The following DOCK2 variants were observed in gnomAD, a reference collection of about 807,000 sequenced individuals.
DOCK2 encodes the protein dedicator of cytokinesis protein 2.
DOCK2 carries 87 observed loss-of-function variants against 248.9 expected under a neutral mutation model. The observed-to-expected ratio is 0.35, with a 90% CI of 0.29 to 0.42. The LOEUF is 0.42. DOCK2 is among the 10% of genes least tolerant of loss of function. The pLI, the probability that DOCK2 is intolerant of heterozygous loss-of-function variation, is 1.00. For missense variants in DOCK2, 1,747 were observed against 2,300.2 expected, an observed-to-expected ratio of 0.76 and a Z score of 4.92; for synonymous variants, 805 against 821.6, an observed-to-expected ratio of 0.98 and a Z score of 0.35.
intron 36 of DOCK2, 92 bp downstream of exon 36, chr5:170,036,647 T>C (rs1378583690): frequency 7.8e-7 from 1 of 1,279,864 alleles, no homozygotes; most frequent in Middle Eastern, 1.9e-4. Flanking sequence ...AGGATAAAAT[T>C]TAAACTTCTC....
chr5:169,936,510 A>C (rs1028186812), intron 27 of DOCK2, among the ~76,000 whole-genome samples: 1 of 151,536 alleles, frequency 6.6e-6, no homozygotes, highest in African/African-American at 2.4e-5. Context: ...ATGAATAAAC[A>C]CATCTATTCT....
intron 1 of DOCK2, among the ~76,000 whole-genome samples, chr5:169,642,038 C>T (rs540295165): frequency 1.3e-5 from 2 of 152,326 alleles, no homozygotes; most frequent in Non-Finnish European, 2.9e-5. Flanking sequence ...GCTTGCTACT[C>T]CTCTAGCAGG....
intron 17 of DOCK2, among the ~76,000 whole-genome samples, chr5:169,712,791 T>A (rs1761657126): frequency 2.0e-5 from 3 of 152,182 alleles, no homozygotes; most frequent in Admixed American, 6.5e-5. Flanking sequence ...AGTGCAGATG[T>A]CCACTATTTT....
At chr5:169,671,999 T>A (rs922362809) in intron 5 of DOCK2, among the ~76,000 whole-genome samples, 5 of 152,156 alleles carry the variant, frequency 3.3e-5, no homozygotes, top group Non-Finnish European at 1.5e-5. Context: ...GCTGACCTTT[T>A]TTTTTTATTT....
intron 25 of DOCK2, among the ~76,000 whole-genome samples, chr5:169,766,078 A>G (rs1401885702): frequency 1.3e-5 from 2 of 151,976 alleles, no homozygotes; most frequent in East Asian, 3.8e-4. Flanking sequence ...TTTCTTTTCA[A>G]CTTTTATTTC....
chr5:169,699,293 C>T (rs904331452), intron 11 of DOCK2, 89 bp from the exon 12 acceptor site: 34 of 1,270,756 alleles, frequency 2.7e-5, no homozygotes, highest in Non-Finnish European at 3.4e-5. Context: ...TCACCTGAGG[C>T]GTGTGGAGGG....
chr5:169,717,190 C>G (rs1487950230), intron 20 of DOCK2, among the ~76,000 whole-genome samples, 194 bp from the exon 21 acceptor site: 1 of 152,142 alleles, frequency 6.6e-6, no homozygotes, highest in Non-Finnish European at 1.5e-5. Context: ...TCCTTTTCAT[C>G]TTATAACACC....
intron 23 of DOCK2, among the ~76,000 whole-genome samples, chr5:169,749,386 G>C (rs1303682342): frequency 6.6e-6 from 1 of 152,154 alleles, no homozygotes; most frequent in Non-Finnish European, 1.5e-5. Flanking sequence ...AAAGACTTAT[G>C]CCAAAACCAT....
chr5:169,803,044 T>C lies in DOCK2; in HGVS notation c.2555-14T>C. 1 of 1,613,956 alleles carries C rather than the reference T, an allele frequency of 6.2e-7. No individual in the cohort carries two copies. ...TGAGGAATTCTACACTACTCTGAAC[T>C]GTCTTTATTCCAGAATGCCGGGACA... On this transcript the variant is annotated splice_polypyrimidine_tract_variant and intron_variant, in intron 25 of 51. Transcript: ENST00000520908.
At chr5:169,923,483 G>GCA (rs34053722) in intron 27 of DOCK2, among the ~76,000 whole-genome samples, 4,408 of 148,886 alleles carry the variant, frequency 0.03, 133 homozygotes, top group African/African-American at 0.08. Context: ...ATGCACGTGG[G>GCA]CACACACACA....
chr5:169,817,211 T>C (rs991207266), intron 26 of DOCK2, among the ~76,000 whole-genome samples: 1 of 152,244 alleles, frequency 6.6e-6, no homozygotes, highest in Non-Finnish European at 1.5e-5. Flanking sequence ...CTGAAAACTT[T>C]TGGCTTTATT....
intron 27 of DOCK2, among the ~76,000 whole-genome samples, chr5:169,948,137 G>A (rs1364133389): frequency 6.6e-6 from 1 of 151,958 alleles, no homozygotes; most frequent in Non-Finnish European, 1.5e-5. Flanking sequence ...AATTCTAGGT[G>A]TGAAAATTTC....
chr5:170,069,465 C>A (rs541122393), intron 46 of DOCK2, among the ~76,000 whole-genome samples: 155 of 152,274 alleles, frequency 1.0e-3, no homozygotes, highest in African/African-American at 3.5e-3. Context: ...TGGATGGTGC[C>A]AAGATTATCT....
rs10155541 is a variant in DOCK2 at position 169,813,622 on chromosome 5, G to A, written c.2703+10416G>A. Among the ~76,000 whole-genome samples, 512 of 152,304 alleles carry A rather than the reference G, an allele frequency of 3.4e-3. 3 individuals are homozygous for A. The highest frequency in any genetic ancestry group is 0.012 in the African/African-American group (489 of 41,564). On this transcript the variant is annotated intron_variant, in intron 26 of 51. Coordinates refer to ENST00000520908, the MANE Select transcript of DOCK2 (RefSeq NM_004946.3). Reference sequence around the variant, plus strand: ...ACCCTAAATCTGCCACCCTTTAAGGGTTCTCAAGGGACTTGGCAAAGCCAG... The same window carrying A: ...ACCCTAAATCTGCCACCCTTTAAGGATTCTCAAGGGACTTGGCAAAGCCAG...
At position 169,747,600 on chromosome 5, in the gene DOCK2, C is replaced by G; in HGVS notation, c.2376+96C>G. 3 of 1,128,284 alleles carry G rather than the reference C, an allele frequency of 2.7e-6. No individual in the cohort carries two copies. In the Admixed American group the frequency reaches 7.3e-5, roughly 28 times the overall value. The allele number at this position is 1,128,284 out of a possible 1,614,324, so 69.9% of individuals were successfully genotyped here. On this transcript the variant is annotated intron_variant, in intron 23 of 51. Coordinates refer to ENST00000520908, the MANE Select transcript of DOCK2 (RefSeq NM_004946.3). Reference sequence around the variant, plus strand: ...ATCTTCTTTTACTTAAATATGCAAACTTGTATCCAGTGAAGGCCTGGGCTG... The same window carrying G: ...ATCTTCTTTTACTTAAATATGCAAAGTTGTATCCAGTGAAGGCCTGGGCTG...
At chr5:169,766,148 AT>A (rs1338446781) in intron 25 of DOCK2, among the ~76,000 whole-genome samples, 1 of 152,000 alleles carries the variant, frequency 6.6e-6, no homozygotes, top group African/African-American at 2.4e-5. Context: ...CAGGGGTTTC[AT>A]GTGCAGATAA....
intron 30 of DOCK2, among the ~76,000 whole-genome samples, chr5:170,003,093 T>C (rs773147600): frequency 1.3e-5 from 2 of 152,194 alleles, no homozygotes; most frequent in African/African-American, 4.8e-5. Flanking sequence ...GAGCTTACAA[T>C]TGGAGAAGAC....
intron 29 of DOCK2, among the ~76,000 whole-genome samples, chr5:169,994,662 C>T (rs1464038946): frequency 6.6e-6 from 1 of 152,114 alleles, no homozygotes; most frequent in Non-Finnish European, 1.5e-5. Context: ...AAGGGACATT[C>T]TACACAAAGA....
chr5:170,004,255 C>T (rs1754940181), intron 30 of DOCK2, among the ~76,000 whole-genome samples: 1 of 152,190 alleles, frequency 6.6e-6, no homozygotes, highest in Non-Finnish European at 1.5e-5. Context: ...AAATGAAGTA[C>T]TTCCACAATG....
Sources: allele counts gnomAD v4.1 joint callset (sites outside exome capture counted in the v4.1 genomes callset), GRCh38; gene constraint gnomAD v4.1.1; transcripts MANE v1.5; gene names NCBI Gene and HGNC (gene_info 2026-07-23, HGNC 2026-07-21).